RHOQ: variants seen among roughly 807,000 people sequenced by gnomAD.
The protein encoded by RHOQ is ras homolog family member Q, also known as rho-related GTP-binding protein RhoQ.
RHOQ carries 7 observed loss-of-function variants against 25.8 expected under a neutral mutation model. The ratio of observed to expected loss-of-function variants is 0.27; its 90% CI spans 0.15 to 0.51. RHOQ has a LOEUF of 0.51. RHOQ is among the 20% of genes least tolerant of loss of function. The probability of loss-of-function intolerance (pLI) is 0.97; values close to 1 mark genes in which losing one functional copy is unlikely to be tolerated. For missense variants in RHOQ, 165 were observed against 260.6 expected (o/e 0.63, Z 2.53); for synonymous variants, 97 against 98.6 (o/e 0.98, Z 0.10).
At chr2:46,559,932 C>T (rs886323858) in intron 2 of RHOQ, among the ~76,000 whole-genome samples, 2 of 152,236 alleles carry the variant, frequency 1.3e-5, no homozygotes, top group Non-Finnish European at 2.9e-5. Flanking sequence ...GCCTTGTGTG[C>T]TTCGACTGGG....
chr2:46,549,459 G>A (rs1668172961), intron 2 of RHOQ, among the ~76,000 whole-genome samples: 3 of 152,150 alleles, frequency 2.0e-5, no homozygotes, highest in African/African-American at 7.2e-5. Context: ...GGGGGTGTCC[G>A]TTTCCAGAAA....
intron 2 of RHOQ, among the ~76,000 whole-genome samples, chr2:46,558,430 AGATTATATTTTTTC>A (rs1668469566): frequency 6.6e-6 from 1 of 152,212 alleles, no homozygotes; most frequent in South Asian, 2.1e-4. Context: ...CTTTGAAAAT[AGATTATATTTTTTC>A]TCCCTTTGGA....
rs1313292305 is a variant in RHOQ, at chr2:46,556,705, G to A, written c.201+12893G>A. 2.6e-5 allele frequency among the ~76,000 whole-genome samples: 4 copies of A among 152,142 alleles called. No individual in the cohort carries two copies. Among genetic ancestry groups the A allele is most frequent in the Admixed American group, 6.5e-5 (1 of 15,272 alleles). On this transcript the variant is annotated intron_variant, in intron 2 of 4. Coordinates refer to ENST00000238738, the MANE Select transcript of RHOQ (RefSeq NM_012249.4). The surrounding 1 kb of genome is among the most constrained non-coding windows in gnomAD (Gnocchi z 4.9). ...GTAGGAGTTTACAGTCCAGTTGGAA[G>A]ATGAATAGAGCTGGCCAGAATGCAA...
rs1363108069 is a variant in RHOQ at position 46,543,132 on chromosome 2, A to G, written c.86A>G (p.Tyr29Cys). 3 of 1,611,902 alleles carry G rather than the reference A, an allele frequency of 1.9e-6. No homozygotes were observed. The highest frequency in any genetic ancestry group is 1.7e-5 in the Admixed American group (1 of 59,944). Reference sequence around the variant, plus strand: ...GGCAAGACGTGCCTACTCATGAGCTATGCCAACGACGCCTTCCCGGAGGAG... The same window carrying G: ...GGCAAGACGTGCCTACTCATGAGCTGTGCCAACGACGCCTTCCCGGAGGAG... ...AVGKTCLLMS[Y>C]ANDAFPEEYV... Residue 29 changes from tyrosine (Y) to cysteine (C), a missense_variant, in exon 1 of 5, where the codon TAT becomes TGT. Physicochemically the swap from Tyr to Cys is radical, Grantham distance 194 (BLOSUM62 -2). Transcript: ENST00000238738.
intron 2 of RHOQ, among the ~76,000 whole-genome samples, chr2:46,557,548 T>TA (rs1229001677): frequency 6.6e-6 from 1 of 152,178 alleles, no homozygotes; most frequent in African/African-American, 2.4e-5. Flanking sequence ...GTCAAAATGT[T>TA]AAAGTGGTTG....
chr2:46,556,421 A>G lies in RHOQ; in HGVS notation c.201+12609A>G, dbSNP rs895304098. Among the ~76,000 whole-genome samples the G allele has an allele frequency of 1.3e-5, 2 of 152,040 alleles. No homozygotes were observed. Among genetic ancestry groups the G allele is most frequent in the Non-Finnish European group, 2.9e-5 (2 of 68,022 alleles). ...GTGGTGCTGCCTTCGCCCCTGGCTCAGGTAGAGGCGAGGGCTGATCTCTTC... is the reference window on the plus strand; with the variant it reads ...GTGGTGCTGCCTTCGCCCCTGGCTCGGGTAGAGGCGAGGGCTGATCTCTTC... On this transcript the variant is annotated intron_variant, in intron 2 of 4. Coordinates refer to ENST00000238738, the MANE Select transcript of RHOQ (RefSeq NM_012249.4). This position sits in a 1 kb window ranked among gnomAD's most constrained non-coding sequence, Gnocchi z 4.9.
In RHOQ at chr2:46,576,806, G is replaced by T. The variant is rs1669143502; in HGVS notation, c.462+150G>T. 1 of 531,126 alleles carries T rather than the reference G, an allele frequency of 1.9e-6. No individual in the cohort carries two copies. Among genetic ancestry groups the T allele is most frequent in the Non-Finnish European group, 3.3e-6 (1 of 298,948 alleles). 32.9% of individuals were successfully genotyped at this position (531,126 alleles called of 1,614,324 possible). A position where few individuals can be genotyped will look rare whatever the true frequency, so the allele number is the denominator to read the frequency against. On this transcript the variant is annotated intron_variant, in intron 4 of 4. Transcript: ENST00000238738. This position sits in a 1 kb window ranked among gnomAD's most constrained non-coding sequence, Gnocchi z 5.1. ...TCCTTGCATGAACTCAGTGAGGTAGGTCTGTTTCCCCTGTTACACAGAAGA... is the reference window on the plus strand; with the variant it reads ...TCCTTGCATGAACTCAGTGAGGTAGTTCTGTTTCCCCTGTTACACAGAAGA...
chr2:46,571,447 T>G (rs1186904433), intron 2 of RHOQ, among the ~76,000 whole-genome samples: 1 of 152,236 alleles, frequency 6.6e-6, no homozygotes, highest in African/African-American at 2.4e-5. Context: ...ATTTTTAACA[T>G]ATAGATACTT....
At chr2:46,572,526 A>G (rs181798190) in intron 2 of RHOQ, among the ~76,000 whole-genome samples, 268 of 152,274 alleles carry the variant, frequency 1.8e-3, no homozygotes, top group Non-Finnish European at 2.6e-3. Context: ...TACTTAGCCA[A>G]TTGGTAAGAA....
At chr2:46,565,358 G>A (rs1332923264) in intron 2 of RHOQ, among the ~76,000 whole-genome samples, 1 of 152,232 alleles carries the variant, frequency 6.6e-6, no homozygotes, top group Non-Finnish European at 1.5e-5. Flanking sequence ...ATGCTGGATA[G>A]ACAGTCAACT....
chr2:46,570,535 G>C (rs1668879330), intron 2 of RHOQ, among the ~76,000 whole-genome samples: 1 of 152,208 alleles, frequency 6.6e-6, no homozygotes. Flanking sequence ...AGATGTAGGA[G>C]AAAACAGTTG....
chr2:46,563,555 G>A (rs946160305), intron 2 of RHOQ, among the ~76,000 whole-genome samples: 4 of 152,144 alleles, frequency 2.6e-5, no homozygotes, highest in African/African-American at 9.7e-5. Flanking sequence ...ATAGGCAGGG[G>A]AGGGGAGGGC....
intron 2 of RHOQ, among the ~76,000 whole-genome samples, chr2:46,565,904 T>TGCCA (rs1159604326): frequency 6.6e-6 from 1 of 152,194 alleles, no homozygotes; most frequent in African/African-American, 2.4e-5. Context: ...AAGCTTGTGG[T>TGCCA]GCCACAGAAG....
At chr2:46,575,020 A>G (rs1465063366) in intron 2 of RHOQ, among the ~76,000 whole-genome samples, 1 of 152,184 alleles carries the variant, frequency 6.6e-6, no homozygotes, top group Non-Finnish European at 1.5e-5. Context: ...TTCACTCTCG[A>G]GAATGTAAAT....
intron 2 of RHOQ, among the ~76,000 whole-genome samples, chr2:46,574,865 GT>G (rs961739789): frequency 2.0e-5 from 3 of 152,198 alleles, no homozygotes; most frequent in Non-Finnish European, 4.4e-5. Context: ...GGAAGATGAT[GT>G]TTTTAATATT....
chr2:46,559,668 T>C (rs1668510335), intron 2 of RHOQ, among the ~76,000 whole-genome samples: 1 of 152,174 alleles, frequency 6.6e-6, no homozygotes, highest in Non-Finnish European at 1.5e-5. Flanking sequence ...TCTCCAGATA[T>C]TGCCAGATGT....
chr2:46,561,394 G>C (rs964000136), intron 2 of RHOQ, among the ~76,000 whole-genome samples: 3 of 152,038 alleles, frequency 2.0e-5, no homozygotes, highest in Non-Finnish European at 4.4e-5. Context: ...TGTGGGAGAA[G>C]CTGGGGTGGA....
At chr2:46,565,915 T>C in intron 2 of RHOQ, among the ~76,000 whole-genome samples, 1 of 152,052 alleles carries the variant, frequency 6.6e-6, no homozygotes, top group East Asian at 1.9e-4. Flanking sequence ...GCCACAGAAG[T>C]GTGGAGCATG....
intron 2 of RHOQ, among the ~76,000 whole-genome samples, chr2:46,571,527 T>A (rs1188221373): frequency 1.3e-5 from 2 of 152,250 alleles, no homozygotes; most frequent in African/African-American, 4.8e-5. Flanking sequence ...CATCCTTCCC[T>A]CCTTTATTTA....
Sources: gnomAD v4.1 joint callset for allele counts (sites outside exome capture counted in the v4.1 genomes callset) on GRCh38, gnomAD v4.1.1 for gene constraint, Gnocchi (gnomAD v3.1) non-coding constraint, MANE v1.5 for transcripts, NCBI Gene and HGNC (gene_info 2026-07-23, HGNC 2026-07-21) for gene names.